The following RPS6KC1 variants were observed in gnomAD, a reference collection of about 807,000 sequenced individuals.
The protein encoded by RPS6KC1 is inactive ribosomal protein S6 kinase delta-1.
Under a neutral mutation model 103.8 loss-of-function variants are expected in RPS6KC1, and 54 were observed. The observed-to-expected ratio is 0.52, with a 90% CI of 0.42 to 0.65. The LOEUF (loss-of-function observed/expected upper bound fraction) is 0.65, where lower values mean the gene tolerates loss of function less well. Ranked by LOEUF, RPS6KC1 falls within the 30% of genes least tolerant of loss-of-function variation. RPS6KC1 has a pLI of 0.00. For missense variants in RPS6KC1, 1,151 were observed against 1,253.8 expected (o/e 0.92, Z 1.24); for synonymous variants, 439 against 438.7 (o/e 1.00, Z -0.01).
At chr1:213,280,580 G>C in the RPS6KC1 span, among the ~76,000 whole-genome samples, 1 of 152,324 alleles carries the variant, frequency 6.6e-6, no homozygotes, top group East Asian at 1.9e-4. Flanking sequence ...GGGGAACTCA[G>C]TGGGGGATGG....
the RPS6KC1 span, among the ~76,000 whole-genome samples, chr1:213,392,991 C>T: frequency 2.6e-5 from 4 of 152,174 alleles, no homozygotes; most frequent in African/African-American, 9.7e-5. Flanking sequence ...GAAATTCAAA[C>T]ATATTTTTAT....
At chr1:213,759,693 G>T in the RPS6KC1 span, among the ~76,000 whole-genome samples, 2 of 152,204 alleles carry the variant, frequency 1.3e-5, no homozygotes, top group African/African-American at 2.4e-5. Flanking sequence ...CCACAGACCT[G>T]TCAGCCCAGC....
chr1:213,455,011 G>A, the RPS6KC1 span, among the ~76,000 whole-genome samples: 6 of 152,148 alleles, frequency 3.9e-5, no homozygotes, highest in African/African-American at 9.7e-5. Context: ...CTCAGGGAGC[G>A]TCCAGGCCAC....
At chr1:213,600,398 T>G in the RPS6KC1 span, among the ~76,000 whole-genome samples, 7 of 152,172 alleles carry the variant, frequency 4.6e-5, no homozygotes, top group Non-Finnish European at 1.0e-4. Flanking sequence ...AATCACTTTT[T>G]AAATGAACAG....
chr1:213,533,539 G>A, the RPS6KC1 span, among the ~76,000 whole-genome samples: 6 of 152,122 alleles, frequency 3.9e-5, no homozygotes, highest in Admixed American at 3.3e-4. Context: ...GGAAACTAAC[G>A]TTCCTGGTAA....
chr1:213,329,183 C>A, the RPS6KC1 span, among the ~76,000 whole-genome samples: 1 of 152,094 alleles, frequency 6.6e-6, no homozygotes, highest in Non-Finnish European at 1.5e-5. Flanking sequence ...TATTATTTTT[C>A]TCAGTCTTAC....
At chr1:213,207,823 A>G (rs1459849273) in intron 8 of RPS6KC1, among the ~76,000 whole-genome samples, 3 of 151,614 alleles carry the variant, frequency 2.0e-5, no homozygotes, top group Non-Finnish European at 4.4e-5. Flanking sequence ...ACAGGTGTCC[A>G]CCTCCATGCT....
chr1:213,832,485 T>A, the RPS6KC1 span: 1 of 152,348 alleles, frequency 6.6e-6, no homozygotes, highest in East Asian at 1.9e-4. Flanking sequence ...CCTTAACACA[T>A]GCTGTTGTAC....
chr1:213,144,069 A>G (rs1301906706), intron 6 of RPS6KC1, among the ~76,000 whole-genome samples: 2 of 152,062 alleles, frequency 1.3e-5, no homozygotes, highest in Admixed American at 1.3e-4. Flanking sequence ...ATCTAGGATA[A>G]TTGCCCTATA....
At chr1:213,484,985 C>T in the RPS6KC1 span, among the ~76,000 whole-genome samples, 1 of 152,158 alleles carries the variant, frequency 6.6e-6, no homozygotes, top group African/African-American at 2.4e-5. Flanking sequence ...ATTTCAGCCT[C>T]CCAAGTAGCT....
chr1:213,313,182 T>C, the RPS6KC1 span, among the ~76,000 whole-genome samples: 129 of 152,322 alleles, frequency 8.5e-4, no homozygotes, highest in Non-Finnish European at 1.4e-3. Flanking sequence ...AAAATACGTG[T>C]ATTTTCCAAA....
the RPS6KC1 span, among the ~76,000 whole-genome samples, chr1:213,430,193 G>A: frequency 6.6e-6 from 1 of 152,134 alleles, no homozygotes. Flanking sequence ...CTAATACAAA[G>A]ACCCAGTTCT....
chr1:213,467,365 C>T, the RPS6KC1 span, among the ~76,000 whole-genome samples: 270 of 152,262 alleles, frequency 1.8e-3, 5 homozygotes, highest in African/African-American at 6.2e-3. Flanking sequence ...TACCTGAATT[C>T]CCAAATGAAA....
chr1:213,583,845 A>C, the RPS6KC1 span, among the ~76,000 whole-genome samples: 1 of 148,058 alleles, frequency 6.8e-6, no homozygotes, highest in South Asian at 2.1e-4. Context: ...AAAAGAAAAA[A>C]GAAAAAAAAA....
the RPS6KC1 span, among the ~76,000 whole-genome samples, chr1:213,511,702 G>A: frequency 2.0e-5 from 3 of 152,072 alleles, no homozygotes; most frequent in African/African-American, 7.2e-5. Context: ...AGACTGTCCT[G>A]CCCATGCCTG....
At chr1:213,513,679 G>T in the RPS6KC1 span, among the ~76,000 whole-genome samples, 1 of 152,190 alleles carries the variant, frequency 6.6e-6, no homozygotes, top group African/African-American at 2.4e-5. Context: ...TTGAATGCCT[G>T]CCATGCACAG....
At chr1:213,390,525 T>A in the RPS6KC1 span, among the ~76,000 whole-genome samples, 77 of 152,298 alleles carry the variant, frequency 5.1e-4, no homozygotes, top group African/African-American at 1.6e-3. Flanking sequence ...GAAACAATCA[T>A]CGGACTAAGA....
the RPS6KC1 span, among the ~76,000 whole-genome samples, chr1:213,375,026 T>C: frequency 6.6e-6 from 1 of 151,120 alleles, no homozygotes; most frequent in Non-Finnish European, 1.5e-5. Context: ...TACATACACA[T>C]ACACACACAT....
intron 7 of RPS6KC1, among the ~76,000 whole-genome samples, chr1:213,171,415 A>G (rs1438234087): frequency 6.6e-6 from 1 of 152,112 alleles, no homozygotes; most frequent in Admixed American, 6.5e-5. Context: ...TGTTGAAAGA[A>G]GCTTTCCCTG....
Sources: gnomAD v4.1 joint callset for allele counts (sites outside exome capture counted in the v4.1 genomes callset) on GRCh38, gnomAD v4.1.1 for gene constraint, MANE v1.5 for transcripts, NCBI Gene and HGNC (gene_info 2026-07-23, HGNC 2026-07-21) for gene names.